The following TMEM51 variants were observed in gnomAD, a reference collection of about 807,000 sequenced individuals.
TMEM51 encodes the protein chromosome 1 open reading frame 72.
A neutral mutation model predicts 13.6 loss-of-function variants in TMEM51; 8 were observed. The ratio of observed to expected loss-of-function variants is 0.59; its 90% CI spans 0.35 to 1.07. The LOEUF is 1.07. TMEM51 is among the 50% of genes least tolerant of loss of function. The probability of loss-of-function intolerance (pLI) is 0.02; values close to 1 mark genes in which losing one functional copy is unlikely to be tolerated. For missense variants in TMEM51, 279 were observed against 330.7 expected, an observed-to-expected ratio of 0.84 and a Z score of 1.21; for synonymous variants, 147 against 144.4, an observed-to-expected ratio of 1.02 and a Z score of -0.13.
intron 1 of TMEM51, among the ~76,000 whole-genome samples, chr1:15,174,870 C>G (rs924531232): frequency 1.3e-5 from 2 of 152,090 alleles, no homozygotes; most frequent in Non-Finnish European, 1.5e-5. Context: ...GGGCACTAAT[C>G]CCATTAGACC....
At chr1:15,178,354 T>A (rs1378109991) in intron 1 of TMEM51, among the ~76,000 whole-genome samples, 1 of 152,008 alleles carries the variant, frequency 6.6e-6, no homozygotes, top group Admixed American at 6.5e-5. Flanking sequence ...TTCCTCAGAG[T>A]CCTCTTGGGT....
At chr1:15,162,731 T>C (rs1420346735) in intron 1 of TMEM51, among the ~76,000 whole-genome samples, 1 of 151,992 alleles carries the variant, frequency 6.6e-6, no homozygotes, top group African/African-American at 2.4e-5. Flanking sequence ...GGACGAACCT[T>C]GAGGACATCA....
At chr1:15,194,919 T>G (rs1199694225) in intron 1 of TMEM51, among the ~76,000 whole-genome samples, 1 of 10,510 alleles carries the variant, frequency 9.5e-5, no homozygotes, top group Admixed American at 1.4e-3. Context: ...TAATTTTACT[T>G]TTTTTTTTTT....
In TMEM51 at chr1:15,167,326, CAAAAAAAAAAAAAAAA is replaced by C. The variant is rs555274126; in HGVS notation, c.-267+13387_-267+13402del. ...TGGGCGACAGAGCGAGACTCCATCT[CAAAAAAAAAAAAAAAA>C]AAAAAAAAAAAAAAGAATACATTTG... On this transcript the variant is annotated intron_variant, in intron 1 of 3. Coordinates refer to ENST00000376008, the MANE Select transcript of TMEM51 (RefSeq NM_001136218.2). Among the ~76,000 whole-genome samples, 9 of 69,446 alleles carry C rather than the reference CAAAAAAAAAAAAAAAA, an allele frequency of 1.3e-4. No homozygotes were observed. The East Asian group carries it at 1.4e-3, about 11-fold the overall frequency. The allele number at this position is 69,446 out of a possible 152,430, so 45.6% of individuals were successfully genotyped here.
At chr1:15,206,228 C>T (rs1404381024) in intron 1 of TMEM51, among the ~76,000 whole-genome samples, 1 of 94,228 alleles carries the variant, frequency 1.1e-5, no homozygotes, top group Non-Finnish European at 2.2e-5. Context: ...GAGACCCTGT[C>T]AAAAAAAAAA....
intron 1 of TMEM51, chr1:15,171,348 T>A (rs10429935): frequency 0.78 from 1,015,229 of 1,295,842 alleles, 401,499 homozygotes; most frequent in East Asian, 0.96. Flanking sequence ...TAGGAATTAG[T>A]TCTTATGCAT....
intron 1 of TMEM51, among the ~76,000 whole-genome samples, chr1:15,175,345 A>G (rs1447383717): frequency 6.6e-6 from 1 of 152,194 alleles, no homozygotes; most frequent in Non-Finnish European, 1.5e-5. Flanking sequence ...GGTTGCAGTG[A>G]GCCGAGACCA....
Position 15,176,608 on chromosome 1 carries a change from C to G in TMEM51, c.-267+22654C>G, listed in dbSNP as rs574831240. Among the ~76,000 whole-genome samples, 40 of 152,332 alleles carry G rather than the reference C, an allele frequency of 2.6e-4. 1 individual carries two copies. The South Asian group carries it at 7.9e-3, about 30-fold the overall frequency. ...GACCGTTTCCCTCCTTGGACATGTT[C>G]AGGACATTACTCTGGTCTTCCCCTG... On this transcript the variant is annotated intron_variant, in intron 1 of 3. Transcript: ENST00000376008.
At chr1:15,197,193 C>G (rs1306460631) in intron 1 of TMEM51, among the ~76,000 whole-genome samples, 4 of 152,204 alleles carry the variant, frequency 2.6e-5, no homozygotes, top group African/African-American at 9.7e-5. Flanking sequence ...ACGTGTCCGT[C>G]TTGAAATTAT....
chr1:15,208,393 C>T (rs991720378), intron 1 of TMEM51, among the ~76,000 whole-genome samples: 3 of 152,100 alleles, frequency 2.0e-5, no homozygotes, highest in Non-Finnish European at 2.9e-5. Flanking sequence ...AAGGCCGAAG[C>T]AGGAGGATCG....
intron 1 of TMEM51, chr1:15,171,441 A>C: frequency 1.2e-6 from 1 of 837,180 alleles, no homozygotes; most frequent in Non-Finnish European, 1.6e-6. Flanking sequence ...TACACGGGCA[A>C]ACTGGTGGAG....
intron 2 of TMEM51, among the ~76,000 whole-genome samples, chr1:15,213,915 C>T (rs531079592): frequency 5.0e-4 from 76 of 151,976 alleles, no homozygotes; most frequent in African/African-American, 1.8e-3. Flanking sequence ...AATCTCGGCT[C>T]ACTGCAACCT....
At chr1:15,181,103 G>A (rs1643601985) in intron 1 of TMEM51, among the ~76,000 whole-genome samples, 1 of 152,142 alleles carries the variant, frequency 6.6e-6, no homozygotes, top group Non-Finnish European at 1.5e-5. Flanking sequence ...TACCAGCTGT[G>A]GGACCTTGGA....
chr1:15,185,539 A>G (rs887016391), intron 1 of TMEM51, among the ~76,000 whole-genome samples: 1 of 152,202 alleles, frequency 6.6e-6, no homozygotes, highest in African/African-American at 2.4e-5. Flanking sequence ...TGGGATATTA[A>G]TTTCAGATTT....
chr1:15,210,367 T>C (rs1484263994), intron 1 of TMEM51, 123 bp from the exon 2 acceptor site: 1 of 152,232 alleles, frequency 6.6e-6, no homozygotes, highest in Non-Finnish European at 1.5e-5. Context: ...CATAGATACC[T>C]ACCCTAACCC....
rs145904925 is a variant in TMEM51, at chr1:15,218,750, A to G, written c.345-576A>G. 1.6e-3 allele frequency among the ~76,000 whole-genome samples: 237 copies of G among 152,250 alleles called. 1 individual carries two copies. Among genetic ancestry groups the G allele is most frequent in the African/African-American group, 5.4e-3 (224 of 41,514 alleles). On this transcript the variant is annotated intron_variant, in intron 3 of 3. Transcript: ENST00000376008. ...AGTGCCATGACAGTTTACAATTGCCATGACAACGACCTGGCAGTTACCATC... is the reference window on the plus strand; with the variant it reads ...AGTGCCATGACAGTTTACAATTGCCGTGACAACGACCTGGCAGTTACCATC...
chr1:15,159,914 G>A (rs1381481424), intron 1 of TMEM51, among the ~76,000 whole-genome samples: 1 of 152,206 alleles, frequency 6.6e-6, no homozygotes, highest in Admixed American at 6.5e-5. Context: ...AGGCCTTTGA[G>A]ATGATAAGCC....
Position 15,215,079 on chromosome 1 carries a change from C to G in TMEM51, c.-9C>G. On this transcript the variant is annotated 5_prime_UTR_variant, in exon 3 of 4. Transcript: ENST00000376008. ...TCTTGGAACTGGGCCTCGCCCTCCT[C>G]CCACTGACATGATGGCCCAGTCCAA... The G allele has an allele frequency of 1.9e-6, 3 of 1,597,100 alleles. No homozygotes were observed. Among genetic ancestry groups the G allele is most frequent in the Non-Finnish European group, 2.6e-6 (3 of 1,167,806 alleles).
Position 15,189,213 on chromosome 1 carries a change from C to CTTTTTTTTTTTTTT in TMEM51, c.-266-21268_-266-21255dup, listed in dbSNP as rs59346950. Among the ~76,000 whole-genome samples the CTTTTTTTTTTTTTT allele has an allele frequency of 6.4e-4, 59 of 92,848 alleles. 5 individuals are homozygous for CTTTTTTTTTTTTTT. Among genetic ancestry groups the CTTTTTTTTTTTTTT allele is most frequent in the African/African-American group, 9.0e-4 (21 of 23,450 alleles). 60.9% of individuals were successfully genotyped at this position (92,848 alleles called of 152,430 possible). ...CTTCACCACACCCAGCTAATTTTTC[C>CTTTTTTTTTTTTTT]TTTTTTTTTTTTTTTTTTTTTTAGT... On this transcript the variant is annotated intron_variant, in intron 1 of 3. Coordinates refer to ENST00000376008, the MANE Select transcript of TMEM51 (RefSeq NM_001136218.2).
Sources: gnomAD v4.1 joint callset for allele counts (sites outside exome capture counted in the v4.1 genomes callset) on GRCh38, gnomAD v4.1.1 for gene constraint, MANE v1.5 for transcripts, NCBI Gene and HGNC (gene_info 2026-07-23, HGNC 2026-07-21) for gene names.